The following AKR1D1 variants were observed in gnomAD, a reference collection of about 807,000 sequenced individuals.
The protein encoded by AKR1D1 is delta(4)-3-ketosteroid 5-beta-reductase.
AKR1D1 carries 32 observed loss-of-function variants against 42.6 expected under a neutral mutation model. That is an observed-to-expected ratio of 0.75 (90% confidence interval 0.57 to 1.01). The LOEUF (loss-of-function observed/expected upper bound fraction) is 1.01, where lower values mean the gene tolerates loss of function less well. Ranked by LOEUF, AKR1D1 falls within the 50% of genes least tolerant of loss-of-function variation. The pLI is 0.00. For missense variants in AKR1D1, 364 were observed against 402.2 expected (o/e 0.91, Z 0.81); for synonymous variants, 123 against 135.5 (o/e 0.91, Z 0.64).
chr7:138,084,059 C>T (rs1453041327), intron 1 of AKR1D1, among the ~76,000 whole-genome samples: 1 of 152,126 alleles, frequency 6.6e-6, no homozygotes, highest in African/African-American at 2.4e-5. Context: ...CAGCAGACTC[C>T]GGCTACATAG....
In AKR1D1 at chr7:138,076,490, G is replaced by C; in HGVS notation, c.-29G>C. On this transcript the variant is annotated 5_prime_UTR_variant, in exon 1 of 9. Coordinates refer to ENST00000242375, the MANE Select transcript of AKR1D1 (RefSeq NM_005989.4). ...CTAAAAAGACTCCCTGTGGTGTTCAGAATCACTCCTACAGTCAGGTTCTCC... is the reference window on the plus strand; with the variant it reads ...CTAAAAAGACTCCCTGTGGTGTTCACAATCACTCCTACAGTCAGGTTCTCC... 1 of 1,589,862 alleles carries C rather than the reference G, an allele frequency of 6.3e-7. No individual in the cohort carries two copies. The highest frequency in any genetic ancestry group is 8.6e-7 in the Non-Finnish European group (1 of 1,158,434).
At chr7:138,112,911 A>G (rs1188509005) in intron 7 of AKR1D1, among the ~76,000 whole-genome samples, 5 of 152,126 alleles carry the variant, frequency 3.3e-5, no homozygotes, top group Admixed American at 6.5e-5. Flanking sequence ...AAATAAAACA[A>G]TGGAAATGTA....
intron 8 of AKR1D1, among the ~76,000 whole-genome samples, chr7:138,114,505 C>T (rs1055294792): frequency 6.8e-6 from 1 of 146,400 alleles, no homozygotes; most frequent in African/African-American, 2.8e-5. Context: ...ACTAAAAATA[C>T]AAAAATTAGC....
intron 3 of AKR1D1, among the ~76,000 whole-genome samples, chr7:138,096,767 C>T (rs745825213): frequency 7.0e-6 from 1 of 142,508 alleles, no homozygotes; most frequent in Non-Finnish European, 1.5e-5. Flanking sequence ...TTGGCAGCTT[C>T]TTCTCTGCCA....
intron 1 of AKR1D1, among the ~76,000 whole-genome samples, chr7:138,077,428 C>T (rs1802963480): frequency 6.6e-6 from 1 of 152,164 alleles, no homozygotes; most frequent in Admixed American, 6.6e-5. Context: ...TGGAAGTAAC[C>T]TTCCCCATGA....
intron 3 of AKR1D1, among the ~76,000 whole-genome samples, chr7:138,096,462 T>A (rs935256896): frequency 6.6e-6 from 1 of 152,120 alleles, no homozygotes; most frequent in African/African-American, 2.4e-5. Flanking sequence ...GAGCCCTTTT[T>A]ACAATGGCAT....
chr7:138,082,104 C>T (rs1403033350), intron 1 of AKR1D1, among the ~76,000 whole-genome samples: 1 of 152,186 alleles, frequency 6.6e-6, no homozygotes, highest in Non-Finnish European at 1.5e-5. Flanking sequence ...GAATGCTGGA[C>T]ATTAACCTGG....
At chr7:138,102,747 C>A (rs963721263) in intron 4 of AKR1D1, among the ~76,000 whole-genome samples, 4 of 152,146 alleles carry the variant, frequency 2.6e-5, no homozygotes, top group African/African-American at 7.2e-5. Flanking sequence ...GAAATGCCAA[C>A]GCAATTCAAT....
chr7:138,102,142 C>T (rs957490224), intron 4 of AKR1D1, among the ~76,000 whole-genome samples: 8 of 151,596 alleles, frequency 5.3e-5, no homozygotes, highest in African/African-American at 1.7e-4. Flanking sequence ...ACCTGAGAGG[C>T]GGAGGTTGCA....
chr7:138,090,636 CAAAAAAA>C lies in AKR1D1; in HGVS notation c.262-1122_262-1116del, dbSNP rs201055784. Among the ~76,000 whole-genome samples, 183 of 91,468 alleles carry C rather than the reference CAAAAAAA, an allele frequency of 2.0e-3. 1 individual carries two copies. Among genetic ancestry groups the C allele is most frequent in the African/African-American group, 5.6e-3 (157 of 28,124 alleles). 60.0% of individuals were successfully genotyped at this position (91,468 alleles called of 152,430 possible). A position where few individuals can be genotyped will look rare whatever the true frequency, so the allele number is the denominator to read the frequency against. On this transcript the variant is annotated intron_variant, in intron 2 of 8. Coordinates refer to ENST00000242375, the MANE Select transcript of AKR1D1 (RefSeq NM_005989.4). ...TCAGCAACACAGCAAGACCCCGTCT[CAAAAAAA>C]AAAAAAAAAGAAAAAAGAAAAGTAT...
intron 1 of AKR1D1, among the ~76,000 whole-genome samples, chr7:138,087,818 C>T (rs557973006): frequency 3.0e-4 from 45 of 151,954 alleles, no homozygotes; most frequent in Middle Eastern, 3.4e-3. Flanking sequence ...CTTTTTGGTC[C>T]GGCTTCTTTC....
intron 1 of AKR1D1, among the ~76,000 whole-genome samples, chr7:138,079,987 G>A (rs961944782): frequency 1.3e-5 from 2 of 152,206 alleles, no homozygotes; most frequent in African/African-American, 4.8e-5. Context: ...TGGCCCAAGT[G>A]GCAGGGATGC....
chr7:138,081,204 T>C (rs1803048607), intron 1 of AKR1D1, among the ~76,000 whole-genome samples: 2 of 152,218 alleles, frequency 1.3e-5, no homozygotes, highest in African/African-American at 4.8e-5. Context: ...TTCATGTATG[T>C]GGATGTCACT....
At chr7:138,100,087 T>TAAAA (rs1794261721) in intron 4 of AKR1D1, among the ~76,000 whole-genome samples, 1 of 6,968 alleles carries the variant, frequency 1.4e-4, no homozygotes, top group Non-Finnish European at 2.4e-4. Flanking sequence ...AGATTTCATC[T>TAAAA]CAAAAAAAAA....
chr7:138,096,989 G>A (rs73729406), intron 3 of AKR1D1, among the ~76,000 whole-genome samples: 1,994 of 152,206 alleles, frequency 0.013, 52 homozygotes, highest in African/African-American at 0.046. Context: ...AATGTCTAGT[G>A]ACCATTTCAA....
intron 1 of AKR1D1, among the ~76,000 whole-genome samples, chr7:138,085,144 A>G (rs1315213065): frequency 6.6e-6 from 1 of 151,868 alleles, no homozygotes; most frequent in Non-Finnish European, 1.5e-5. Flanking sequence ...AGAATTAAGT[A>G]CAAAATAGTA....
At chr7:138,088,579 C>A in intron 1 of AKR1D1, 22 bp from the exon 2 acceptor site, 1 of 1,614,002 alleles carries the variant, frequency 6.2e-7, no homozygotes, top group Non-Finnish European at 8.5e-7. Context: ...TTTCCCCAAA[C>A]CCAACCTCTT....
At chr7:138,079,313 C>A (rs1803005305) in intron 1 of AKR1D1, among the ~76,000 whole-genome samples, 1 of 152,124 alleles carries the variant, frequency 6.6e-6, no homozygotes, top group South Asian at 2.1e-4. Context: ...GGACCAGGGG[C>A]CAGGCAGAAA....
chr7:138,116,718 T>G lies in AKR1D1; in HGVS notation c.*56T>G. 1 of 1,483,300 alleles carries G rather than the reference T, an allele frequency of 6.7e-7. No homozygotes were observed. Among genetic ancestry groups the G allele is most frequent in the Non-Finnish European group, 9.4e-7 (1 of 1,061,356 alleles). 91.9% of individuals were successfully genotyped at this position (1,483,300 alleles called of 1,614,324 possible). A position where few individuals can be genotyped will look rare whatever the true frequency, so the allele number is the denominator to read the frequency against. On this transcript the variant is annotated 3_prime_UTR_variant, in exon 9 of 9. Coordinates refer to ENST00000242375, the MANE Select transcript of AKR1D1 (RefSeq NM_005989.4). Reference sequence around the variant, plus strand: ...TCCCACGAGTGCCAAGACGGTGCAATGGGTAGTCCCCTAGATGTGAAAATG... The same window carrying G: ...TCCCACGAGTGCCAAGACGGTGCAAGGGGTAGTCCCCTAGATGTGAAAATG...
Sources: gnomAD v4.1 joint callset for allele counts (sites outside exome capture counted in the v4.1 genomes callset) on GRCh38, gnomAD v4.1.1 for gene constraint, MANE v1.5 for transcripts, NCBI Gene and HGNC (gene_info 2026-07-23, HGNC 2026-07-21) for gene names.